The following ARMC2 variants were observed in gnomAD, a reference collection of about 807,000 sequenced individuals.
The protein encoded by ARMC2 is armadillo repeat containing 2, also known as armadillo repeat-containing protein 2.
A neutral mutation model predicts 90.3 loss-of-function variants in ARMC2; 67 were observed. That is an observed-to-expected ratio of 0.74 (90% CI 0.61 to 0.91). ARMC2 has a LOEUF of 0.91. ARMC2 is among the 40% of genes least tolerant of loss of function. ARMC2 has a pLI of 0.00. For missense variants in ARMC2, 920 were observed against 1,030.9 expected, an observed-to-expected ratio of 0.89 and a Z score of 1.47; for synonymous variants, 393 against 393.0, an observed-to-expected ratio of 1.00 and a Z score of 0.00.
At chr6:108,979,683 G>T in the ARMC2 span, among the ~76,000 whole-genome samples, 2 of 151,914 alleles carry the variant, frequency 1.3e-5, no homozygotes, top group Non-Finnish European at 2.9e-5. Context: ...TGCAGGCTTT[G>T]TTCGTTTCTT....
chr6:108,980,494 CTGCT>C, the ARMC2 span, among the ~76,000 whole-genome samples: 16,819 of 152,056 alleles, frequency 0.11, 1,026 homozygotes, highest in South Asian at 0.19. Context: ...AGGAGGCAGT[CTGCT>C]CCTCCTCAGG....
At chr6:108,849,255 G>T (rs1346133153) in intron 1 of ARMC2, among the ~76,000 whole-genome samples, 1 of 152,128 alleles carries the variant, frequency 6.6e-6, no homozygotes, top group African/African-American at 2.4e-5. Flanking sequence ...CTTTAATTTG[G>T]TTGAAAAGCA....
the ARMC2 span, chr6:108,988,701 TA>T: frequency 6.3e-7 from 1 of 1,581,054 alleles, no homozygotes; most frequent in Non-Finnish European, 8.6e-7. Context: ...TTGAAAGACA[TA>T]ATGAGAATTA....
chr6:108,991,633 A>C, the ARMC2 span, among the ~76,000 whole-genome samples: 1 of 152,072 alleles, frequency 6.6e-6, no homozygotes, highest in African/African-American at 2.4e-5. Context: ...TGAGTCTCCT[A>C]ATTAGTTTTC....
the ARMC2 span, among the ~76,000 whole-genome samples, chr6:109,050,969 T>C: frequency 1.3e-5 from 2 of 152,184 alleles, no homozygotes; most frequent in Admixed American, 1.3e-4. Context: ...TGGACGTTTG[T>C]TATGGTTAAA....
At chr6:108,849,770 A>G (rs1410318974) in intron 1 of ARMC2, among the ~76,000 whole-genome samples, 4 of 152,230 alleles carry the variant, frequency 2.6e-5, no homozygotes, top group Non-Finnish European at 2.9e-5. Context: ...AAACAATCCT[A>G]TGGGGCAATT....
chr6:108,985,880 CAT>C, the ARMC2 span, among the ~76,000 whole-genome samples: 40 of 152,226 alleles, frequency 2.6e-4, no homozygotes, highest in African/African-American at 8.7e-4. Context: ...AAATATAAAA[CAT>C]ATTGAAGATA....
chr6:109,028,622 T>TA, the ARMC2 span, among the ~76,000 whole-genome samples: 1 of 152,198 alleles, frequency 6.6e-6, no homozygotes, highest in Non-Finnish European at 1.5e-5. Context: ...GTTCTACTTT[T>TA]AGTACCCTTG....
At chr6:109,012,607 A>C in the ARMC2 span, among the ~76,000 whole-genome samples, 1 of 152,172 alleles carries the variant, frequency 6.6e-6, no homozygotes, top group African/African-American at 2.4e-5. Context: ...GGAAAAAGAC[A>C]CCTGAGCTAC....
Position 108,902,574 on chromosome 6 carries a change from A to G in ARMC2, c.848-1656A>G, listed in dbSNP as rs188062037. Among the ~76,000 whole-genome samples, 51 of 152,308 alleles carry G rather than the reference A, an allele frequency of 3.3e-4. No homozygotes were observed. In the Middle Eastern group the frequency reaches 0.014, roughly 41 times the overall value. ...AGTTAGGCTAAGTCATTTCCCATCAATTCATTCATTTAAGTGCATAACCAA... is the reference window on the plus strand; with the variant it reads ...AGTTAGGCTAAGTCATTTCCCATCAGTTCATTCATTTAAGTGCATAACCAA... On this transcript the variant is annotated intron_variant, in intron 7 of 17. Coordinates refer to ENST00000392644, the MANE Select transcript of ARMC2 (RefSeq NM_032131.6).
the ARMC2 span, among the ~76,000 whole-genome samples, chr6:109,029,613 T>G: frequency 9.9e-5 from 15 of 152,278 alleles, no homozygotes; most frequent in Admixed American, 9.8e-4. Context: ...CATATCTCAC[T>G]GCAGTCTTGA....
intron 6 of ARMC2, 68 bp downstream of exon 6, chr6:108,894,611 T>C: frequency 7.2e-7 from 1 of 1,381,656 alleles, no homozygotes; most frequent in Non-Finnish European, 9.9e-7. Context: ...GCACTGAAGA[T>C]ATCTATGTTG....
At chr6:109,052,950 CA>C in the ARMC2 span, among the ~76,000 whole-genome samples, 1 of 152,028 alleles carries the variant, frequency 6.6e-6, no homozygotes, top group Admixed American at 6.5e-5. Context: ...ATTAATCAAA[CA>C]ATCAATAAAG....
intron 12 of ARMC2, among the ~76,000 whole-genome samples, chr6:108,939,504 A>G (rs1456727659): frequency 1.3e-5 from 2 of 152,084 alleles, no homozygotes; most frequent in Non-Finnish European, 2.9e-5. Flanking sequence ...CTGCTCTGGC[A>G]TGTAAGATGT....
At chr6:108,904,506 A>G (rs542991297) in intron 8 of ARMC2, 101 bp downstream of exon 8, 55 of 1,167,024 alleles carry the variant, frequency 4.7e-5, no homozygotes, top group African/African-American at 4.5e-4. Flanking sequence ...AATGCAGTGT[A>G]TTTGTTTAGA....
chr6:108,899,890 T>G, intron 7 of ARMC2, 98 bp downstream of exon 7: 6 of 881,642 alleles, frequency 6.8e-6, no homozygotes, highest in Non-Finnish European at 7.0e-6. Flanking sequence ...ATATTTTTAG[T>G]AAGTTTTCAC....
At chr6:109,009,725 A>T in the ARMC2 span, among the ~76,000 whole-genome samples, 144 of 152,010 alleles carry the variant, frequency 9.5e-4, no homozygotes, top group African/African-American at 3.3e-3. Context: ...GTGAAAAATC[A>T]CCTTGGGGGC....
At position 108,899,674 on chromosome 6, in the gene ARMC2, G is replaced by C; in HGVS notation, c.749-20G>C. 6.3e-7 allele frequency: 1 copy of C among 1,595,146 alleles called. No homozygotes were observed. Among genetic ancestry groups the C allele is most frequent in the Non-Finnish European group, 8.6e-7 (1 of 1,164,350 alleles). On this transcript the variant is annotated intron_variant, in intron 6 of 17. Coordinates refer to ENST00000392644, the MANE Select transcript of ARMC2 (RefSeq NM_032131.6). ...CTCCTTTTTCATAGCTTTTTCTCCTGCTCTGGATTTCTTTTGCAGTCCCAA... is the reference window on the plus strand; with the variant it reads ...CTCCTTTTTCATAGCTTTTTCTCCTCCTCTGGATTTCTTTTGCAGTCCCAA...
intron 15 of ARMC2, among the ~76,000 whole-genome samples, chr6:108,963,968 C>T (rs918671629): frequency 1.3e-5 from 2 of 152,194 alleles, no homozygotes; most frequent in African/African-American, 4.8e-5. Flanking sequence ...TTTGCAGTAT[C>T]TGTCGATTGG....
Sources: allele counts gnomAD v4.1 joint callset (sites outside exome capture counted in the v4.1 genomes callset), GRCh38; gene constraint gnomAD v4.1.1; transcripts MANE v1.5; gene names NCBI Gene and HGNC (gene_info 2026-07-23, HGNC 2026-07-21).